The following PIEZO1 variants were observed in gnomAD, a reference collection of about 807,000 sequenced individuals.
The protein encoded by PIEZO1 is piezo type mechanosensitive ion channel component 1 (Er blood group).
A neutral mutation model predicts 297.2 loss-of-function variants in PIEZO1; 296 were observed. That is an observed-to-expected ratio of 1.00 (90% CI 0.91 to 1.10). The LOEUF (loss-of-function observed/expected upper bound fraction) is 1.10. PIEZO1 is among the 50% of genes least tolerant of loss of function. The pLI, the probability that PIEZO1 is intolerant of heterozygous loss-of-function variation, is 0.00. For missense variants in PIEZO1, 5,018 were observed against 3,455.5 expected, an observed-to-expected ratio of 1.45 and a Z score of -11.34; for synonymous variants, 2,427 against 1,507.5, an observed-to-expected ratio of 1.61 and a Z score of -14.13.
chr16:88,743,196 G>A (rs912356668), intron 2 of PIEZO1: 1 of 456,158 alleles, frequency 2.2e-6, no homozygotes, highest in African/African-American at 2.0e-5. Context: ...GCAGGGGCTG[G>A]GCGGGCGCAC....
intron 23 of PIEZO1, 58 bp from the exon 24 acceptor site, chr16:88,727,250 G>C: frequency 6.8e-7 from 1 of 1,465,564 alleles, no homozygotes; most frequent in Non-Finnish European, 9.0e-7. Context: ...GGTGGGCACG[G>C]CGCATAAATC....
rs764786894 is a variant in PIEZO1 at position 88,721,167 on chromosome 16, G to A, written c.5667C>T (p.Ile1889=). ...GGTTGTGAGGCAGGGCGCTTATACC[G>A]ATGGCTGCCGCTCCTTTCCGTGCTG... ...EGPARKGAAA[I]EAEDREEEEG... Residue 1889 remains isoleucine, a splice_region_variant and synonymous_variant, in exon 39 of 51, where the codon ATC becomes ATT. Transcript: ENST00000301015. 2.2e-5 allele frequency: 33 copies of A among 1,500,528 alleles called. No homozygotes were observed. Among genetic ancestry groups the A allele is most frequent in the African/African-American group, 4.2e-5 (3 of 71,646 alleles). The allele number at this position is 1,500,528 out of a possible 1,614,324, so 93.0% of individuals were successfully genotyped here. A position where few individuals can be genotyped will look rare whatever the true frequency, so the allele number is the denominator to read the frequency against.
chr16:88,721,876 GGAAGAC>G lies in PIEZO1; in HGVS notation c.5140_5145del (p.Val1714_Phe1715del). The stretch of plus-strand genomic sequence containing the variant: ...CTCGGGATCGACAGCATGGCCCACA[GGAAGAC>G]GAGCACGGGCAGCACCAGCGAGCCG... On this transcript the variant is annotated inframe_deletion, in exon 37 of 51. Transcript: ENST00000301015. 6.5e-7 allele frequency: 1 copy of G among 1,550,038 alleles called. No individual in the cohort carries two copies. The highest frequency in any genetic ancestry group is 8.7e-7 in the Non-Finnish European group (1 of 1,146,768).
chr16:88,758,647 G>T (rs1321694516), intron 1 of PIEZO1, among the ~76,000 whole-genome samples: 2 of 152,204 alleles, frequency 1.3e-5, no homozygotes, highest in African/African-American at 2.4e-5. Flanking sequence ...AGGGGGTGCG[G>T]CAGAACCCTG....
intron 39 of PIEZO1, 116 bp downstream of exon 39, chr16:88,721,050 G>A: frequency 9.1e-7 from 1 of 1,098,514 alleles, no homozygotes. Flanking sequence ...CACCTTCCTG[G>A]GATCCAGGTG....
At chr16:88,781,693 G>T (rs550004436) in intron 1 of PIEZO1, among the ~76,000 whole-genome samples, 1 of 152,268 alleles carries the variant, frequency 6.6e-6, no homozygotes, top group African/African-American at 2.4e-5. Context: ...CCGGGCACAG[G>T]CCTCCGAAGG....
chr16:88,731,955 G>GGAAA, intron 21 of PIEZO1, 45 bp from the exon 22 acceptor site: 1 of 296,702 alleles, frequency 3.4e-6, no homozygotes, highest in Non-Finnish European at 6.5e-6. Context: ...CTGAGTCTGG[G>GGAAA]GGGAGGGACT....
intron 1 of PIEZO1, among the ~76,000 whole-genome samples, chr16:88,763,755 G>A (rs1397352134): frequency 6.6e-6 from 1 of 152,226 alleles, no homozygotes; most frequent in East Asian, 1.9e-4. Flanking sequence ...AAGGGCCGAT[G>A]TTAAGGTCTG....
At chr16:88,724,076 G>A (rs987053754) in intron 30 of PIEZO1, 105 bp from the exon 31 acceptor site, 36 of 685,176 alleles carry the variant, frequency 5.3e-5, no homozygotes, top group South Asian at 1.7e-4. Flanking sequence ...CTTCCCATGC[G>A]GAGTAGCCGG....
At position 88,738,971 on chromosome 16, in the gene PIEZO1, C is replaced by T. The variant is rs933550559; in HGVS notation, c.466-235G>A. 12 of 579,338 alleles carry T rather than the reference C, an allele frequency of 2.1e-5. No individual in the cohort carries two copies. The Admixed American group carries it at 2.2e-4, about 10-fold the overall frequency. The allele number at this position is 579,338 out of a possible 1,614,324, so 35.9% of individuals were successfully genotyped here. On this transcript the variant is annotated intron_variant, in intron 5 of 50. Transcript: ENST00000301015. ...TGCAGGCCTTCCTGGTAGCAGCTCCCACCCTGGCCGAAGACCCAGGGTCTG... is the reference window on the plus strand; with the variant it reads ...TGCAGGCCTTCCTGGTAGCAGCTCCTACCCTGGCCGAAGACCCAGGGTCTG...
intron 1 of PIEZO1, among the ~76,000 whole-genome samples, chr16:88,759,435 C>A (rs1395420569): frequency 1.3e-5 from 2 of 152,222 alleles, no homozygotes; most frequent in Admixed American, 6.5e-5. Context: ...CTGCCCTCCC[C>A]CTGGCCTGCT....
At chr16:88,773,771 G>T (rs560340517) in intron 1 of PIEZO1, among the ~76,000 whole-genome samples, 3 of 152,132 alleles carry the variant, frequency 2.0e-5, no homozygotes, top group African/African-American at 7.2e-5. Context: ...CCTACTGGGG[G>T]TGAGGGCTCC....
rs1904289102 is a variant in PIEZO1 at position 88,722,705 on chromosome 16, G to C, written c.4669-16C>G. 5 of 1,534,500 alleles carry C rather than the reference G, an allele frequency of 3.3e-6. No individual in the cohort carries two copies. The highest frequency in any genetic ancestry group is 4.4e-6 in the Non-Finnish European group (5 of 1,144,510). On this transcript the variant is annotated splice_polypyrimidine_tract_variant and intron_variant, in intron 34 of 50. Coordinates refer to ENST00000301015, the MANE Select transcript of PIEZO1 (RefSeq NM_001142864.4). The stretch of plus-strand genomic sequence containing the variant: ...CTTCGCCGCCCTGCAGGGCACAGCA[G>C]GGGGCTCAGGGCTGCGTCCAGCTCT...
At chr16:88,731,559 G>C in intron 22 of PIEZO1, 147 bp downstream of exon 22, 1 of 628,534 alleles carries the variant, frequency 1.6e-6, no homozygotes, top group Non-Finnish European at 2.8e-6. Flanking sequence ...TGGCGCCTGG[G>C]TAGGATGTGG....
chr16:88,738,805 GC>G, intron 5 of PIEZO1, 69 bp from the exon 6 acceptor site: 1 of 1,392,902 alleles, frequency 7.2e-7, no homozygotes, highest in Non-Finnish European at 9.7e-7. Flanking sequence ...GCCCACACCT[GC>G]CCAGCCAGGA....
chr16:88,779,648 G>A (rs1907836145), intron 1 of PIEZO1, among the ~76,000 whole-genome samples: 1 of 152,218 alleles, frequency 6.6e-6, no homozygotes, highest in Admixed American at 6.5e-5. Context: ...AGTGGGATGG[G>A]CTGGGCTGCA....
At position 88,736,716 on chromosome 16, in the gene PIEZO1, T is replaced by G. The variant is rs13333358; in HGVS notation, c.1219A>C (p.Arg407=). 2.6e-6 allele frequency: 4 copies of G among 1,531,456 alleles called. No homozygotes were observed. Among genetic ancestry groups the G allele is most frequent in the African/African-American group, 2.7e-5 (2 of 72,748 alleles). 94.9% of individuals were successfully genotyped at this position (1,531,456 alleles called of 1,614,324 possible). Residue 407 remains arginine (R), a synonymous_variant, in exon 11 of 51, where the codon AGG becomes CGG. Transcript: ENST00000301015. ...AGGCTGTGGAGCGGAGACGCCTCCC[T>G]GGGCTCAGCCCGCTTGGGCCGCACT... The part of the protein sequence containing the change: ...RPVRPKRAEP[R]EASPLHSLGH...
chr16:88,744,701 G>T (rs1905925478), intron 2 of PIEZO1, among the ~76,000 whole-genome samples: 1 of 151,656 alleles, frequency 6.6e-6, no homozygotes, highest in Admixed American at 6.6e-5. Flanking sequence ...CGGCCAGAGT[G>T]TCCTGGTCTG....
rs529247638 is a variant in PIEZO1 at position 88,749,629 on chromosome 16, G to A, written c.65-150C>T. Reference sequence around the variant, plus strand: ...GAGCCAGAGCCGTGGAAGCCGCCTCGCGCTTCCGTACATATCTCACACACG... The same window carrying A: ...GAGCCAGAGCCGTGGAAGCCGCCTCACGCTTCCGTACATATCTCACACACG... On this transcript the variant is annotated intron_variant, in intron 1 of 50. Transcript: ENST00000301015. 1.4e-3 allele frequency: 839 copies of A among 611,424 alleles called. 11 individuals carry two copies. In the South Asian group the frequency reaches 0.016, roughly 12 times the overall value. The allele number at this position is 611,424 out of a possible 1,614,324, so 37.9% of individuals were successfully genotyped here. A position where few individuals can be genotyped will look rare whatever the true frequency, so the allele number is the denominator to read the frequency against.
Sources: allele counts gnomAD v4.1 joint callset (sites outside exome capture counted in the v4.1 genomes callset), GRCh38; gene constraint gnomAD v4.1.1; transcripts MANE v1.5; gene names NCBI Gene and HGNC (gene_info 2026-07-23, HGNC 2026-07-21).